The following GALNT13 variants were observed in gnomAD, a reference collection of about 807,000 sequenced individuals.
The protein encoded by GALNT13 is polypeptide N-acetylgalactosaminyltransferase 13.
GALNT13 carries 28 observed loss-of-function variants against 64.2 expected under a neutral mutation model. The observed-to-expected ratio is 0.44, with a 90% confidence interval of 0.32 to 0.60. The LOEUF (loss-of-function observed/expected upper bound fraction) is 0.60. Among genes scored for constraint, GALNT13 ranks in the 20% least tolerant of loss-of-function variants. The pLI, the probability that GALNT13 is intolerant of heterozygous loss-of-function variation, is 0.05. For missense variants in GALNT13, 577 were observed against 669.8 expected (o/e 0.86, Z 1.53); for synonymous variants, 214 against 224.6 (o/e 0.95, Z 0.42).
chr2:153,235,733 T>C, the GALNT13 span, among the ~76,000 whole-genome samples: 389 of 152,234 alleles, frequency 2.6e-3, 3 homozygotes, highest in Non-Finnish European at 4.7e-3. Context: ...TCAGGTGGTT[T>C]GTTCTCTTCA....
At chr2:153,628,317 C>T in the GALNT13 span, among the ~76,000 whole-genome samples, 2 of 151,908 alleles carry the variant, frequency 1.3e-5, no homozygotes, top group African/African-American at 2.4e-5. Context: ...TTCCTCTTTT[C>T]CTAATTGAAT....
chr2:153,917,755 T>G (rs529500581), intron 2 of GALNT13, among the ~76,000 whole-genome samples: 1 of 152,134 alleles, frequency 6.6e-6, no homozygotes, highest in Non-Finnish European at 1.5e-5. Flanking sequence ...CAGGCAACCT[T>G]AGTCAGTATG....
the GALNT13 span, among the ~76,000 whole-genome samples, chr2:153,841,876 A>T: frequency 6.6e-6 from 1 of 152,166 alleles, no homozygotes; most frequent in East Asian, 1.9e-4. Flanking sequence ...CAAAGTGCAC[A>T]AAAGATGATG....
the GALNT13 span, among the ~76,000 whole-genome samples, chr2:153,720,203 T>C: frequency 5.5e-5 from 8 of 145,936 alleles, no homozygotes; most frequent in Middle Eastern, 3.4e-3. Flanking sequence ...AGGGGCACAC[T>C]GACACCTCAC....
the GALNT13 span, among the ~76,000 whole-genome samples, chr2:153,266,485 C>G: frequency 1.3e-5 from 2 of 152,260 alleles, no homozygotes; most frequent in Admixed American, 1.3e-4. Context: ...AATTGACTCA[C>G]AGTTTTACAT....
the GALNT13 span, among the ~76,000 whole-genome samples, chr2:153,117,465 G>T: frequency 6.6e-6 from 1 of 152,150 alleles, no homozygotes; most frequent in African/African-American, 2.4e-5. Flanking sequence ...AAACATGAAA[G>T]AGAAAATGTT....
At chr2:153,724,877 C>T in the GALNT13 span, among the ~76,000 whole-genome samples, 5 of 150,852 alleles carry the variant, frequency 3.3e-5, no homozygotes, top group Non-Finnish European at 5.9e-5. Context: ...ACTAGTTCAA[C>T]CATTGTGGAA....
chr2:154,092,330 GA>G (rs1233534060), intron 3 of GALNT13, among the ~76,000 whole-genome samples: 2 of 151,964 alleles, frequency 1.3e-5, no homozygotes, highest in Non-Finnish European at 2.9e-5. Flanking sequence ...AAATCATTAA[GA>G]AGAAAATCTG....
intron 9 of GALNT13, among the ~76,000 whole-genome samples, chr2:154,352,789 C>T (rs934846811): frequency 1.3e-5 from 2 of 152,192 alleles, no homozygotes; most frequent in African/African-American, 4.8e-5. Context: ...TAGTCAGTGT[C>T]CTCACTGTCT....
At chr2:153,607,632 T>C in the GALNT13 span, among the ~76,000 whole-genome samples, 1 of 152,186 alleles carries the variant, frequency 6.6e-6, no homozygotes, top group Admixed American at 6.6e-5. Flanking sequence ...TTTTAAAAAC[T>C]ATAATTTTCA....
the GALNT13 span, among the ~76,000 whole-genome samples, chr2:153,777,045 TTTG>T: frequency 6.6e-6 from 1 of 151,526 alleles, no homozygotes; most frequent in African/African-American, 2.4e-5. Flanking sequence ...TGTTTGTTTG[TTTG>T]TTTTGTTTTG....
chr2:154,184,970 T>C (rs187323672), intron 4 of GALNT13, among the ~76,000 whole-genome samples: 1 of 152,260 alleles, frequency 6.6e-6, no homozygotes, highest in East Asian at 1.9e-4. Context: ...CCTGCATATG[T>C]TTTGATGTTG....
At chr2:154,145,070 C>CTCTCTCTCTA (rs1197890145) in intron 4 of GALNT13, among the ~76,000 whole-genome samples, 121 of 136,216 alleles carry the variant, frequency 8.9e-4, no homozygotes, top group Admixed American at 2.1e-3. Flanking sequence ...CTCTCTCTCT[C>CTCTCTCTCTA]TCTATCTATC....
intron 11 of GALNT13, among the ~76,000 whole-genome samples, chr2:154,428,284 A>G (rs754516520): frequency 6.6e-6 from 1 of 152,200 alleles, no homozygotes; most frequent in Non-Finnish European, 1.5e-5. Flanking sequence ...ACATATTGGG[A>G]ATCCTGTAAC....
chr2:153,780,223 A>C, the GALNT13 span, among the ~76,000 whole-genome samples: 3 of 5,192 alleles, frequency 5.8e-4, no homozygotes, highest in African/African-American at 1.3e-3. Flanking sequence ...AGATATATAT[A>C]TATATATATA....
chr2:153,955,255 A>G (rs1294842343), intron 3 of GALNT13, among the ~76,000 whole-genome samples: 1 of 152,222 alleles, frequency 6.6e-6, no homozygotes, highest in Non-Finnish European at 1.5e-5. Flanking sequence ...TTCATTCAGT[A>G]GAGGTACTGG....
chr2:153,689,781 GT>G, the GALNT13 span, among the ~76,000 whole-genome samples: 1 of 152,038 alleles, frequency 6.6e-6, no homozygotes, highest in African/African-American at 2.4e-5. Context: ...ATTTCTGCCA[GT>G]TTTTCCACAG....
At chr2:154,177,942 A>G (rs977144780) in intron 4 of GALNT13, among the ~76,000 whole-genome samples, 5 of 152,162 alleles carry the variant, frequency 3.3e-5, no homozygotes, top group African/African-American at 1.2e-4. Context: ...TTTGATTTAT[A>G]TACTTCTGGC....
the GALNT13 span, among the ~76,000 whole-genome samples, chr2:153,569,730 T>G: frequency 6.6e-6 from 1 of 152,108 alleles, no homozygotes; most frequent in Non-Finnish European, 1.5e-5. Flanking sequence ...AAATGAACAA[T>G]TAAATTATTA....
Sources: allele counts gnomAD v4.1 joint callset (sites outside exome capture counted in the v4.1 genomes callset), GRCh38; gene constraint gnomAD v4.1.1; transcripts MANE v1.5; gene names NCBI Gene and HGNC (gene_info 2026-07-23, HGNC 2026-07-21).